Variants in LOXHD1 observed in about 807,000 individuals in gnomAD.
LOXHD1 encodes lipoxygenase homology domain-containing protein 1.
LOXHD1 carries 205 observed loss-of-function variants against 248.2 expected under a neutral mutation model. The ratio of observed to expected loss-of-function variants is 0.83; its 90% CI spans 0.74 to 0.93. The LOEUF (loss-of-function observed/expected upper bound fraction) is 0.93. Ranked by LOEUF, LOXHD1 falls within the 40% of genes least tolerant of loss-of-function variation. LOXHD1 has a pLI of 0.00. For synonymous variants in LOXHD1, 1,113 were observed against 1,162.8 expected (o/e 0.96, Z 0.87); for missense variants, 2,930 against 2,971.6 (o/e 0.99, Z 0.33).
chr18:46,557,381 T>C lies in LOXHD1; in HGVS notation c.3325A>G (p.Ile1109Val). 6.4e-7 allele frequency: 1 copy of C among 1,552,362 alleles called. No homozygotes were observed. Among genetic ancestry groups the C allele is most frequent in the South Asian group, 1.2e-5 (1 of 84,054 alleles). Residue 1109 changes from isoleucine to valine, a missense_variant, in exon 21 of 41, where the codon ATT (isoleucine) becomes GTT (valine). Physicochemically the swap from Ile to Val is conservative, Grantham distance 29. Transcript: ENST00000642948. ...GTGATCTCGTTGTTCATGTCAGTAATGTCTATTCTGTCCAGGAACCAGCCT... is the reference window on the plus strand; with the variant it reads ...GTGATCTCGTTGTTCATGTCAGTAACGTCTATTCTGTCCAGGAACCAGCCT... The part of the protein sequence containing the change: ...RAGWFLDRID[I>V]TDMNNEITYY...
At chr18:46,585,247 A>G (rs1195301377) in intron 12 of LOXHD1, among the ~76,000 whole-genome samples, 2 of 152,150 alleles carry the variant, frequency 1.3e-5, no homozygotes, top group Admixed American at 1.3e-4. Context: ...CTAAATTGGA[A>G]AGGAAGAAGT....
intron 4 of LOXHD1, among the ~76,000 whole-genome samples, chr18:46,635,509 C>T (rs1257305129): frequency 2.0e-5 from 3 of 152,138 alleles, no homozygotes; most frequent in Non-Finnish European, 2.9e-5. Context: ...TGGATCCCCA[C>T]ATCCCTGGGC....
At chr18:46,631,309 AC>A (rs928034775) in intron 4 of LOXHD1, among the ~76,000 whole-genome samples, 7 of 150,860 alleles carry the variant, frequency 4.6e-5, no homozygotes, top group Admixed American at 2.6e-4. Context: ...GACAGCTACA[AC>A]CCCCCCACCA....
intron 12 of LOXHD1, among the ~76,000 whole-genome samples, chr18:46,585,192 G>C (rs1188980057): frequency 2.0e-5 from 3 of 152,080 alleles, no homozygotes; most frequent in Admixed American, 6.5e-5. Flanking sequence ...TGTGGTGCTG[G>C]AGATTTCAGC....
intron 10 of LOXHD1, 60 bp from the exon 11 acceptor site, chr18:46,592,644 T>C (rs1234803862): frequency 2.6e-5 from 36 of 1,399,666 alleles, no homozygotes; most frequent in Non-Finnish European, 3.6e-5. Flanking sequence ...TTTATTCTCA[T>C]AGCTGACCCA....
chr18:46,512,032 A>G (rs370629981), intron 34 of LOXHD1, among the ~76,000 whole-genome samples: 29 of 152,296 alleles, frequency 1.9e-4, no homozygotes, highest in African/African-American at 6.0e-4. Flanking sequence ...GGGTCAAGCT[A>G]ACTTTGGGAG....
At chr18:46,640,691 C>T (rs553952518) in intron 3 of LOXHD1, among the ~76,000 whole-genome samples, 18 of 152,246 alleles carry the variant, frequency 1.2e-4, no homozygotes, top group African/African-American at 3.9e-4. Flanking sequence ...ATAGGTAGCA[C>T]GCCTCAATTT....
In LOXHD1 at chr18:46,610,869, C is replaced by T; in HGVS notation, c.666G>A (p.Arg222=). 4 of 1,551,812 alleles carry T rather than the reference C, an allele frequency of 2.6e-6. No homozygotes were observed. Among genetic ancestry groups the T allele is most frequent in the South Asian group, 1.2e-5 (1 of 84,064 alleles). ...KDNFEKGAED[R]FILDAPDLGQ... ...CCAAATCCGGGGCATCCAGGATGAA[C>T]CTGTCTTCAGCTCCCTTTTCAAAGT... The change falls in exon 6 of 41, where the codon AGG becomes AGA. Residue 222 remains arginine (R), a synonymous_variant. Coordinates refer to ENST00000642948, the MANE Select transcript of LOXHD1 (RefSeq NM_001384474.1).
intron 4 of LOXHD1, among the ~76,000 whole-genome samples, chr18:46,629,710 AAAAC>A (rs2038793922): frequency 6.6e-6 from 1 of 151,954 alleles, no homozygotes; most frequent in Non-Finnish European, 1.5e-5. Context: ...GATTATGCTG[AAAAC>A]AAACACAATT....
At position 46,483,653 on chromosome 18, in the gene LOXHD1, A is replaced by C. The variant is rs1420068065; in HGVS notation, c.6275T>G (p.Ile2092Ser). 1.3e-6 allele frequency: 2 copies of C among 1,551,590 alleles called. No individual in the cohort carries two copies. The highest frequency in any genetic ancestry group is 2.4e-5 in the South Asian group (2 of 84,038). The change falls in exon 40 of 41, where the codon ATC (isoleucine) becomes AGC (serine). Residue 2092 changes from isoleucine to serine, a missense_variant. Coordinates refer to ENST00000642948, the MANE Select transcript of LOXHD1 (RefSeq NM_001384474.1). ...VGHLAREDRF[I>S]PKRELAWHVK... The stretch of plus-strand genomic sequence containing the variant: ...ATGCCAGGCAAGTTCTCTCTTGGGG[A>C]TAAACCGGTCTTCCCTGGCAAGGTG...
intron 6 of LOXHD1, among the ~76,000 whole-genome samples, chr18:46,609,506 A>G (rs1042149560): frequency 2.0e-5 from 3 of 152,232 alleles, no homozygotes; most frequent in African/African-American, 7.2e-5. Flanking sequence ...TATTTTAAGC[A>G]ATAAGACCTT....
chr18:46,477,405 C>T lies in LOXHD1; in HGVS notation c.*67G>A, dbSNP rs1029941799. ...GCTAGAGGCTTTGAAGGGCTGCTGACCGCCAAGGTGGAGGGCAGAAATGTG... is the reference window on the plus strand; with the variant it reads ...GCTAGAGGCTTTGAAGGGCTGCTGATCGCCAAGGTGGAGGGCAGAAATGTG... On this transcript the variant is annotated 3_prime_UTR_variant, in exon 41 of 41. Transcript: ENST00000642948. The T allele has an allele frequency of 2.0e-6, 3 of 1,525,984 alleles. No homozygotes were observed. Among genetic ancestry groups the T allele is most frequent in the Non-Finnish European group, 2.6e-6 (3 of 1,133,262 alleles). 94.5% of individuals were successfully genotyped at this position (1,525,984 alleles called of 1,614,324 possible).
rs1256402542 is a variant in LOXHD1, at chr18:46,544,716, C to A, written c.3619+601G>T. ...ATAAATGGTGGAGTGGAGGTTTGAA[C>A]CAATCAGACAAGCTTCAGAGTCTCC... On this transcript the variant is annotated intron_variant, in intron 23 of 40. Coordinates refer to ENST00000642948, the MANE Select transcript of LOXHD1 (RefSeq NM_001384474.1). 21 of 429,174 alleles carry A rather than the reference C, an allele frequency of 4.9e-5. No homozygotes were observed. In the Admixed American group the frequency reaches 5.1e-4, roughly 10 times the overall value. The allele number at this position is 429,174 out of a possible 1,614,324, so 26.6% of individuals were successfully genotyped here. A position where few individuals can be genotyped will look rare whatever the true frequency, so the allele number is the denominator to read the frequency against.
chr18:46,618,385 C>G, intron 4 of LOXHD1, 95 bp from the exon 5 acceptor site: 5 of 775,786 alleles, frequency 6.4e-6, no homozygotes, highest in Non-Finnish European at 1.1e-5. Context: ...ACACTTACCC[C>G]CAGCAATGCA....
At chr18:46,550,043 T>C (rs2037021443) in intron 21 of LOXHD1, among the ~76,000 whole-genome samples, 1 of 152,230 alleles carries the variant, frequency 6.6e-6, no homozygotes, top group African/African-American at 2.4e-5. Context: ...CACAATCTCA[T>C]TTAATCAACA....
Position 46,507,432 on chromosome 18 carries a change from G to A in LOXHD1, c.5692+106C>T, listed in dbSNP as rs886190374. ...GAAAACTTGGATTGACTAGATTTTG[G>A]AAGGCCTTATGAAGAAAAATGCCCT... On this transcript the variant is annotated intron_variant, in intron 36 of 40. Coordinates refer to ENST00000642948, the MANE Select transcript of LOXHD1 (RefSeq NM_001384474.1). 4.8e-6 allele frequency: 6 copies of A among 1,261,094 alleles called. No individual in the cohort carries two copies. In the African/African-American group the frequency reaches 7.5e-5, roughly 16 times the overall value. The allele number at this position is 1,261,094 out of a possible 1,614,324, so 78.1% of individuals were successfully genotyped here.
intron 33 of LOXHD1, among the ~76,000 whole-genome samples, chr18:46,519,852 C>A (rs2035479707): frequency 6.6e-6 from 1 of 152,142 alleles, no homozygotes; most frequent in Non-Finnish European, 1.5e-5. Flanking sequence ...TACCAGGTGT[C>A]CTGGGGAGAT....
At chr18:46,559,302 G>A (rs2037457694) in intron 20 of LOXHD1, 146 bp downstream of exon 20, 2 of 1,544,324 alleles carry the variant, frequency 1.3e-6, no homozygotes, top group South Asian at 1.2e-5. Context: ...CAGTGTTACT[G>A]AAGAGGTACT....
chr18:46,485,061 T>C lies in LOXHD1; in HGVS notation c.6140A>G (p.Glu2047Gly), dbSNP rs1292372632. The change falls in exon 39 of 41, where the codon GAG (glutamate) becomes GGG (glycine). Residue 2047 changes from glutamate to glycine, a missense_variant. Transcript: ENST00000642948. The part of the protein sequence containing the change: ...ILEGRKNRSK[E>G]FLMENSSRQR... The stretch of plus-strand genomic sequence containing the variant: ...CCTAGAAGAATTTTCCATGAGAAAC[T>C]CTTTGGATCGGTTCTTCCTGCCCTC... 1 of 1,550,564 alleles carries C rather than the reference T, an allele frequency of 6.4e-7. No individual in the cohort carries two copies. The highest frequency in any genetic ancestry group is 1.2e-5 in the South Asian group (1 of 83,930).
Sources: allele counts gnomAD v4.1 joint callset (sites outside exome capture counted in the v4.1 genomes callset), GRCh38; gene constraint gnomAD v4.1.1; transcripts MANE v1.5; gene names NCBI Gene and HGNC (gene_info 2026-07-23, HGNC 2026-07-21).